Variants in RO60 observed in about 807,000 individuals in gnomAD.
RO60 encodes Ro60, Y RNA binding protein, also known as RNA-binding protein RO60.
Under a neutral mutation model 55.3 loss-of-function variants are expected in RO60, and 20 were observed. That is an observed-to-expected ratio of 0.36 (90% CI 0.25 to 0.53). The LOEUF (loss-of-function observed/expected upper bound fraction) is 0.53. Ranked by LOEUF, RO60 falls within the 20% of genes least tolerant of loss-of-function variation. The pLI is 0.92. For missense variants in RO60, 558 were observed against 646.6 expected (o/e 0.86, Z 1.49); for synonymous variants, 213 against 213.6 (o/e 1.00, Z 0.02).
At chr1:193,073,844 G>A (rs189467471) in intron 2 of RO60, among the ~76,000 whole-genome samples, 8 of 151,820 alleles carry the variant, frequency 5.3e-5, no homozygotes, top group East Asian at 3.9e-4. Context: ...CCATTAACTC[G>A]TCATTTAACG....
downstream of RO60, chr1:193,091,578 AT>A: frequency 8.3e-7 from 1 of 1,209,990 alleles, no homozygotes; most frequent in Non-Finnish European, 1.2e-6. Flanking sequence ...GAATGAATAT[AT>A]TAATGTATTA....
intron 5 of RO60, among the ~76,000 whole-genome samples, chr1:193,077,575 A>G (rs1248939876): frequency 6.6e-6 from 1 of 152,162 alleles, no homozygotes; most frequent in Non-Finnish European, 1.5e-5. Context: ...TATCACAAGA[A>G]CAGTATAGGG....
chr1:193,081,487 A>T lies in RO60; in HGVS notation c.1203+7A>T, dbSNP rs774671804. 28 of 1,526,412 alleles carry T rather than the reference A, an allele frequency of 1.8e-5. No homozygotes were observed. The highest frequency in any genetic ancestry group is 2.4e-5 in the Non-Finnish European group (27 of 1,104,860). The allele number at this position is 1,526,412 out of a possible 1,614,324, so 94.6% of individuals were successfully genotyped here. A position where few individuals can be genotyped will look rare whatever the true frequency, so the allele number is the denominator to read the frequency against. On this transcript the variant is annotated splice_region_variant and intron_variant, in intron 6 of 8. Transcript: ENST00000400968. Reference sequence around the variant, plus strand: ...TGCTGCAGCAATGTGCATGGTGAGAACACCTAAGACAATTTTGCCATTCTA... The same window carrying T: ...TGCTGCAGCAATGTGCATGGTGAGATCACCTAAGACAATTTTGCCATTCTA...
intron 1 of RO60, among the ~76,000 whole-genome samples, chr1:193,061,983 CAAAA>C (rs199670965): frequency 6.6e-5 from 5 of 76,272 alleles, no homozygotes; most frequent in Admixed American, 4.2e-4. Context: ...GAGTCTGTCT[CAAAA>C]AAAAAAAAAA....
intron 2 of RO60, chr1:193,070,527 A>AC: frequency 2.4e-6 from 1 of 410,858 alleles, no homozygotes; most frequent in East Asian, 7.6e-5. Context: ...TCAAAATTTG[A>AC]CTTTTTTTTT....
At chr1:193,061,001 T>C (rs1410635317) in intron 1 of RO60, among the ~76,000 whole-genome samples, 2 of 152,224 alleles carry the variant, frequency 1.3e-5, no homozygotes, top group African/African-American at 4.8e-5. Flanking sequence ...ATTAACATGG[T>C]ACCTATTGTA....
chr1:193,074,044 A>C (rs1021596378), intron 2 of RO60, among the ~76,000 whole-genome samples: 4 of 152,050 alleles, frequency 2.6e-5, no homozygotes, highest in African/African-American at 9.7e-5. Context: ...AGCTTCATCC[A>C]TGTCCCTACA....
intron 1 of RO60, among the ~76,000 whole-genome samples, chr1:193,066,466 C>T (rs567116330): frequency 5.9e-5 from 9 of 152,316 alleles, no homozygotes; most frequent in African/African-American, 1.7e-4. Flanking sequence ...TCACTAGTCA[C>T]TCCTACTTGC....
chr1:193,083,541 T>C (rs1674462290), intron 8 of RO60, among the ~76,000 whole-genome samples: 1 of 152,156 alleles, frequency 6.6e-6, no homozygotes, highest in African/African-American at 2.4e-5. Context: ...ATAGAACTTG[T>C]TGATGAAGAG....
At chr1:193,070,379 T>C (rs538119427) in intron 2 of RO60, among the ~76,000 whole-genome samples, 30 of 152,304 alleles carry the variant, frequency 2.0e-4, no homozygotes, top group Non-Finnish European at 3.4e-4. Context: ...TTGGGGCAGT[T>C]TTTCTGTATC....
chr1:193,074,410 C>G (rs923110987), intron 2 of RO60, among the ~76,000 whole-genome samples: 13 of 152,176 alleles, frequency 8.5e-5, no homozygotes, highest in Non-Finnish European at 1.6e-4. Context: ...TGTTTCCTGA[C>G]TTTTTAATGA....
Position 193,084,862 on chromosome 1 carries a change from T to G in RO60, c.*131T>G. ...GTATGTGCATAATGGAAAGTTACCT[T>G]ACTGAAAAAAAAAAAAGAAGGAAAA... On this transcript the variant is annotated 3_prime_UTR_variant, in exon 9 of 9. Coordinates refer to ENST00000400968, the MANE Select transcript of RO60 (RefSeq NM_001173524.2). The G allele has an allele frequency of 6.8e-7, 1 of 1,476,960 alleles. No individual in the cohort carries two copies. Among genetic ancestry groups the G allele is most frequent in the Non-Finnish European group, 8.9e-7 (1 of 1,119,188 alleles). 91.5% of individuals were successfully genotyped at this position (1,476,960 alleles called of 1,614,324 possible).
Position 193,059,959 on chromosome 1 carries a change from A to G in RO60, c.-22+183A>G. ...GTCCACCCTGGGTAACGGAACCAGCATCGCGGTAGGGACATCCTCGCTAGG... is the reference window on the plus strand; with the variant it reads ...GTCCACCCTGGGTAACGGAACCAGCGTCGCGGTAGGGACATCCTCGCTAGG... On this transcript the variant is annotated intron_variant, in intron 1 of 8. Coordinates refer to ENST00000400968, the MANE Select transcript of RO60 (RefSeq NM_001173524.2). This position sits in a 1 kb window ranked among gnomAD's most constrained non-coding sequence, Gnocchi z 4.9. 7.3e-7 allele frequency: 1 copy of G among 1,366,470 alleles called. No individual in the cohort carries two copies. The highest frequency in any genetic ancestry group is 1.1e-5 in the South Asian group (1 of 88,038). The allele number at this position is 1,366,470 out of a possible 1,614,324, so 84.6% of individuals were successfully genotyped here. A position where few individuals can be genotyped will look rare whatever the true frequency, so the allele number is the denominator to read the frequency against.
rs773159627 is a variant in RO60, at chr1:193,069,022, C to T, written c.-21-12C>T. The T allele has an allele frequency of 1.3e-6, 2 of 1,566,828 alleles. No individual in the cohort carries two copies. The highest frequency in any genetic ancestry group is 3.7e-5 in the Admixed American group (2 of 53,618). ...CCCATCTAGTTGTAATAACATTTTG[C>T]CTTTTTGTTAGGTTTCCTAAAGACA... On this transcript the variant is annotated splice_polypyrimidine_tract_variant and intron_variant, in intron 1 of 8. Coordinates refer to ENST00000400968, the MANE Select transcript of RO60 (RefSeq NM_001173524.2).
rs954658106 is a variant in RO60 at position 193,090,259 on chromosome 1, G to A, written c.*5528G>A. 1.3e-5 allele frequency: 2 copies of A among 152,060 alleles called. No homozygotes were observed. The highest frequency in any genetic ancestry group is 2.9e-5 in the Non-Finnish European group (2 of 67,996). The allele number at this position is 152,060 out of a possible 1,614,324, so 9.4% of individuals were successfully genotyped here. On this transcript the variant is annotated 3_prime_UTR_variant, in exon 9 of 9. Coordinates refer to ENST00000400968, the MANE Select transcript of RO60 (RefSeq NM_001173524.2). ...AGACAGTAAATGAAATTAAAACCCT[G>A]CTGTTTTAAATATCATTACCAGATA...
chr1:193,077,870 T>C (rs946006814), intron 5 of RO60, among the ~76,000 whole-genome samples: 3 of 152,214 alleles, frequency 2.0e-5, no homozygotes, highest in African/African-American at 7.2e-5. Flanking sequence ...TTTGCATTCC[T>C]GTCAGGTCCT....
Position 193,084,677 on chromosome 1 carries a change from C to T in RO60, c.1563C>T (p.Gly521=). The change falls in exon 9 of 9, where the codon GGC becomes GGT. Residue 521 remains glycine, a synonymous_variant. Transcript: ENST00000400968. ...ATAGAGGCATGTTGGATATGTGCGG[C>T]TTTGATACTGGAGCTCTGGATGTAA... ...PDDRGMLDMC[G]FDTGALDVIR... The T allele has an allele frequency of 3.1e-6, 5 of 1,613,870 alleles. No individual in the cohort carries two copies. The highest frequency in any genetic ancestry group is 4.2e-6 in the Non-Finnish European group (5 of 1,179,912).
chr1:193,085,562 A>G lies in RO60; in HGVS notation c.*831A>G, dbSNP rs1674590207. On this transcript the variant is annotated 3_prime_UTR_variant, in exon 9 of 9. Coordinates refer to ENST00000400968, the MANE Select transcript of RO60 (RefSeq NM_001173524.2). ...GTCTCACACTGTTTTTCATACTCTT[A>G]AGTGTAAATAATATAAAATGTTTCA... 6 of 983,992 alleles carry G rather than the reference A, an allele frequency of 6.1e-6. No individual in the cohort carries two copies. Among genetic ancestry groups the G allele is most frequent in the Non-Finnish European group, 7.2e-6 (6 of 829,028 alleles). 61.0% of individuals were successfully genotyped at this position (983,992 alleles called of 1,614,324 possible).
chr1:193,066,334 C>T (rs866479154), intron 1 of RO60, among the ~76,000 whole-genome samples: 1 of 152,296 alleles, frequency 6.6e-6, no homozygotes, highest in Middle Eastern at 3.4e-3. Context: ...TACTTTCCTT[C>T]ATAGTTTATA....
Sources: gnomAD v4.1 joint callset for allele counts (sites outside exome capture counted in the v4.1 genomes callset) on GRCh38, gnomAD v4.1.1 for gene constraint, Gnocchi (gnomAD v3.1) non-coding constraint, MANE v1.5 for transcripts, NCBI Gene and HGNC (gene_info 2026-07-23, HGNC 2026-07-21) for gene names.